Variants in PPM1J observed in about 807,000 individuals in gnomAD.
PPM1J encodes protein phosphatase 1J.
A neutral mutation model predicts 53.3 loss-of-function variants in PPM1J; 43 were observed. The ratio of observed to expected loss-of-function variants is 0.81; its 90% confidence interval spans 0.63 to 1.04. The LOEUF is 1.04. PPM1J is among the 50% of genes least tolerant of loss of function. The probability of loss-of-function intolerance (pLI) is 0.00; values close to 1 mark genes in which losing one functional copy is unlikely to be tolerated. For missense variants in PPM1J, 635 were observed against 685.9 expected (o/e 0.93, Z 0.83); for synonymous variants, 267 against 286.4 (o/e 0.93, Z 0.68).
In PPM1J at chr1:112,710,478, T is replaced by C. The variant is rs1284638104; in HGVS notation, c.1352A>G (p.Glu451Gly). ...CCCCTACCTGCTGTGGTCATTAGGC[T>C]CATAGGCCGACAGCACCCTGTCCAC... ...ATVDRVLSAYEPNDHSRYTAL... is the reference protein window; with the variant it reads ...ATVDRVLSAYGPNDHSRYTAL... The change falls in exon 9 of 10, where the codon GAG (glutamate) becomes GGG (glycine). Residue 451 changes from glutamate (E) to glycine (G), a missense_variant. Coordinates refer to ENST00000309276, the MANE Select transcript of PPM1J (RefSeq NM_005167.7). The C allele has an allele frequency of 6.2e-7, 1 of 1,613,944 alleles. No homozygotes were observed. Among genetic ancestry groups the C allele is most frequent in the East Asian group, 2.2e-5 (1 of 44,888 alleles).
chr1:112,710,696 C>T, intron 8 of PPM1J, 48 bp downstream of exon 8: 1 of 1,613,098 alleles, frequency 6.2e-7, no homozygotes, highest in African/African-American at 1.3e-5. Flanking sequence ...CAGATGAAAG[C>T]TGGCCTGAGA....
chr1:112,713,939 G>T, intron 1 of PPM1J: 2 of 784,734 alleles, frequency 2.5e-6, no homozygotes, highest in Non-Finnish European at 3.5e-6. Context: ...CTGGGGGAGG[G>T]GCTAGTTGGT....
intron 1 of PPM1J, 31 bp downstream of exon 1, chr1:112,714,945 T>C (rs1675161410): frequency 1.5e-6 from 2 of 1,351,846 alleles, no homozygotes; most frequent in African/African-American, 1.5e-5. Context: ...GGGAGCCCCA[T>C]CCTGGTTTGG....
At chr1:112,713,410 C>T in intron 2 of PPM1J, 87 bp downstream of exon 2, 1 of 913,576 alleles carries the variant, frequency 1.1e-6, no homozygotes, top group Non-Finnish European at 1.8e-6. Flanking sequence ...TTCATCAGGT[C>T]TTCCGCATGG....
chr1:112,713,721 T>A (rs1219812290), intron 1 of PPM1J, 110 bp from the exon 2 acceptor site: 6 of 903,282 alleles, frequency 6.6e-6, no homozygotes, highest in Non-Finnish European at 1.1e-5. Flanking sequence ...CTGAGAAAGG[T>A]CACAGCCACC....
At chr1:112,711,900 C>T in intron 5 of PPM1J, 71 bp downstream of exon 5, 1 of 1,105,596 alleles carries the variant, frequency 9.0e-7, no homozygotes, top group Non-Finnish European at 1.3e-6. Context: ...TGAGAGTTCT[C>T]AGGGCCATGG....
chr1:112,711,196 C>T, intron 6 of PPM1J, 70 bp downstream of exon 6: 1 of 1,472,474 alleles, frequency 6.8e-7, no homozygotes, highest in Non-Finnish European at 9.5e-7. Context: ...CTCCAGCTTC[C>T]ACCTTGCTGC....
At chr1:112,714,788 G>A in intron 1 of PPM1J, 188 bp downstream of exon 1, 4 of 1,269,144 alleles carry the variant, frequency 3.2e-6, no homozygotes, top group Non-Finnish European at 4.0e-6. Context: ...GGTGACACAG[G>A]CTGCCCCCCA....
chr1:112,712,526 C>A, intron 3 of PPM1J, 69 bp from the exon 4 acceptor site: 1 of 1,366,612 alleles, frequency 7.3e-7, no homozygotes, highest in Non-Finnish European at 1.0e-6. Context: ...CCTCCCCCTA[C>A]CCCCTCCACC....
rs1570844699 is a variant in PPM1J, at chr1:112,714,839, A to G, written c.326+137T>C. On this transcript the variant is annotated intron_variant, in intron 1 of 9. Transcript: ENST00000309276. ...GGAGGGGGTGCGGCCCGAAGACCAG[A>G]GGATAGCAAAGGTCCACGGAAAAGG... 7 of 1,300,786 alleles carry G rather than the reference A, an allele frequency of 5.4e-6. No homozygotes were observed. The East Asian group carries it at 1.3e-4, about 23-fold the overall frequency. 80.6% of individuals were successfully genotyped at this position (1,300,786 alleles called of 1,614,324 possible).
chr1:112,710,606 T>A lies in PPM1J; in HGVS notation c.1224A>T (p.Arg408=), dbSNP rs1186672251. 5 of 1,613,950 alleles carry A rather than the reference T, an allele frequency of 3.1e-6. No homozygotes were observed. Among genetic ancestry groups the A allele is most frequent in the Non-Finnish European group, 1.7e-6 (2 of 1,179,992 alleles). The change falls in exon 9 of 10, where the codon CGA becomes CGT. Residue 408 remains arginine (R), a synonymous_variant. Transcript: ENST00000309276. ...KPFLSCFPEV[R]VYDLTQYEHC... ...GCTCATATTGTGTCAGGTCATACACTCGTACCTGGTGGGAGAAAAGGGCAG... is the reference window on the plus strand; with the variant it reads ...GCTCATATTGTGTCAGGTCATACACACGTACCTGGTGGGAGAAAAGGGCAG...
intron 6 of PPM1J, 91 bp from the exon 7 acceptor site, chr1:112,711,162 G>T: frequency 2.0e-6 from 3 of 1,470,828 alleles, no homozygotes; most frequent in South Asian, 2.3e-5. Flanking sequence ...CCCTTAGAAG[G>T]GCCACATCCT....
Position 112,713,627 on chromosome 1 carries a change from GACC to G in PPM1J, c.327-19_327-17del, listed in dbSNP as rs767758872. ...ATTGATGACCCTGCCAGGCCAGAAT[GACC>G]ACATCAGGTTGGACACCAGACCAGG... On this transcript the variant is annotated splice_polypyrimidine_tract_variant and intron_variant, in intron 1 of 9. Transcript: ENST00000309276. 1 of 1,596,704 alleles carries G rather than the reference GACC, an allele frequency of 6.3e-7. No individual in the cohort carries two copies. Among genetic ancestry groups the G allele is most frequent in the South Asian group, 1.1e-5 (1 of 90,718 alleles).
Position 112,712,917 on chromosome 1 carries a change from C to G in PPM1J, c.556G>C (p.Glu186Gln). Residue 186 changes from glutamate (E) to glutamine (Q), a missense_variant, in exon 3 of 10, where the codon GAG becomes CAG. Transcript: ENST00000309276. Reference sequence around the variant, plus strand: ...GGTGGCGAAGGGTCCTGAAGTATCTCTACCAGGTCCTTTAGCTGCTCTCGG... The same window carrying G: ...GGTGGCGAAGGGTCCTGAAGTATCTGTACCAGGTCCTTTAGCTGCTCTCGG... ...HIREQLKDLV[E>Q]ILQDPSPPPL... 6.8e-6 allele frequency: 11 copies of G among 1,614,070 alleles called. No homozygotes were observed. The highest frequency in any genetic ancestry group is 9.3e-6 in the Non-Finnish European group (11 of 1,180,020).
At position 112,711,084 on chromosome 1, in the gene PPM1J, G is replaced by C. The variant is rs1675045735; in HGVS notation, c.1047-13C>G. 1.9e-6 allele frequency: 3 copies of C among 1,612,798 alleles called. No homozygotes were observed. Among genetic ancestry groups the C allele is most frequent in the African/African-American group, 1.3e-5 (1 of 74,868 alleles). On this transcript the variant is annotated splice_polypyrimidine_tract_variant and intron_variant, in intron 6 of 9. Transcript: ENST00000309276. ...CTTTTTGTAGGCCCTGGGGAGGGGG[G>C]AGTAGAGGAGGCATCACCCAGGCAT...
At chr1:112,713,090 G>T (rs1416545039) in intron 2 of PPM1J, 59 bp from the exon 3 acceptor site, 2 of 1,406,266 alleles carry the variant, frequency 1.4e-6, no homozygotes, top group African/African-American at 2.9e-5. Flanking sequence ...GTGTGTGTGT[G>T]TGTGTGTTAT....
At chr1:112,714,387 C>T in intron 1 of PPM1J, 4 of 985,360 alleles carry the variant, frequency 4.1e-6, no homozygotes, top group Non-Finnish European at 4.8e-6. Flanking sequence ...CAGGCCAGCA[C>T]GAGTTGGCAG....
Position 112,712,749 on chromosome 1 carries a change from G to A in PPM1J, c.724C>T (p.Leu242Phe), listed in dbSNP as rs373932983. 1.2e-6 allele frequency: 2 copies of A among 1,607,138 alleles called. No homozygotes were observed. The highest frequency in any genetic ancestry group is 2.7e-5 in the African/African-American group (2 of 74,828). Residue 242 changes from leucine (L) to phenylalanine (F), a missense_variant, in exon 3 of 10, where the codon CTC (leucine) becomes TTC (phenylalanine). Coordinates refer to ENST00000309276, the MANE Select transcript of PPM1J (RefSeq NM_005167.7). ...GGCCCAGGTCACCCACTCACCATGA[G>A]CTGGAAGGCATTCTCAACGGCCCCC... ...VVGAVENAFQ[L>F]MDEQMARERR...
At position 112,712,371 on chromosome 1, in the gene PPM1J, C is replaced by T. The variant is rs185265561; in HGVS notation, c.816G>A (p.Val272=). ...TGCTATCGCCTGCATTGGCCACGTA[C>T]ACCTTGCCTAGCAGGTAGATCACAA... ...ALVVIYLLGK[V]YVANAGDSRA... The change falls in exon 4 of 10, where the codon GTG becomes GTA. Residue 272 remains valine, a synonymous_variant. Transcript: ENST00000309276. The T allele has an allele frequency of 6.2e-7, 1 of 1,613,758 alleles. No homozygotes were observed. The highest frequency in any genetic ancestry group is 1.3e-5 in the African/African-American group (1 of 74,972).
Sources: allele counts gnomAD v4.1 joint callset, GRCh38; gene constraint gnomAD v4.1.1; transcripts MANE v1.5; gene names NCBI Gene and HGNC (gene_info 2026-07-23, HGNC 2026-07-21).